Variants in COPG1 observed in about 807,000 individuals in gnomAD.
COPG1 encodes coatomer subunit gamma-1.
A neutral mutation model predicts 102.8 loss-of-function variants in COPG1; 29 were observed. The observed-to-expected ratio is 0.28, with a 90% confidence interval of 0.21 to 0.38. The LOEUF is 0.38. Among genes scored for constraint, COPG1 ranks in the 10% least tolerant of loss-of-function variants. COPG1 has a pLI of 1.00. For synonymous variants in COPG1, 406 were observed against 421.6 expected (o/e 0.96, Z 0.45); for missense variants, 875 against 1,132.7 (o/e 0.77, Z 3.27).
intron 18 of COPG1, among the ~76,000 whole-genome samples, chr3:129,270,985 G>C (rs1940170585): frequency 6.6e-6 from 1 of 152,232 alleles, no homozygotes; most frequent in Non-Finnish European, 1.5e-5. Flanking sequence ...AGCAAGCTCT[G>C]CCGCCAACCC....
rs536210448 is a variant in COPG1, at chr3:129,258,479, A to G, written c.871+619A>G. Among the ~76,000 whole-genome samples, 5 of 152,306 alleles carry G rather than the reference A, an allele frequency of 3.3e-5. No individual in the cohort carries two copies. The South Asian group carries it at 8.3e-4, about 25-fold the overall frequency. ...CTGTTTTTTGTTTTTGCTTTTTGAG[A>G]CGGAGTCTCACTATGTCGCCCAGGC... is the stretch of plus-strand genomic sequence containing the variant. On this transcript the variant is annotated intron_variant, in intron 10 of 23. Transcript: ENST00000314797.
chr3:129,249,833 G>A lies in COPG1; in HGVS notation c.37+87G>A. ...GGTTCTCTGTCCTGACCCGGAGGCT[G>A]AGGCCCAGTGAGGGGCAGGGGCTTG... On this transcript the variant is annotated intron_variant, in intron 1 of 23. Coordinates refer to ENST00000314797, the MANE Select transcript of COPG1 (RefSeq NM_016128.4). The A allele has an allele frequency of 1.3e-5, 18 of 1,376,566 alleles. No homozygotes were observed. In the South Asian group the frequency reaches 2.1e-4, roughly 16 times the overall value. The allele number at this position is 1,376,566 out of a possible 1,614,324, so 85.3% of individuals were successfully genotyped here.
At chr3:129,263,632 C>T (rs933579366) in intron 12 of COPG1, among the ~76,000 whole-genome samples, 1 of 152,106 alleles carries the variant, frequency 6.6e-6, no homozygotes. Flanking sequence ...GGAGGGGACT[C>T]GGAGACTTAA....
chr3:129,262,878 G>C (rs754526313), intron 12 of COPG1, among the ~76,000 whole-genome samples: 4 of 151,568 alleles, frequency 2.6e-5, no homozygotes, highest in Admixed American at 2.6e-4. Flanking sequence ...AAAATTAGCT[G>C]GTGTAGTGGC....
rs1939943708 is a variant in COPG1 at position 129,262,462 on chromosome 3, C to G, written c.1129-1442C>G. On this transcript the variant is annotated intron_variant, in intron 12 of 23. Transcript: ENST00000314797. ...TAGAGACGGTGTTTCACCATGTTAGCCAGGATGGTCTCGATCTCCTGACCT... is the reference window on the plus strand; with the variant it reads ...TAGAGACGGTGTTTCACCATGTTAGGCAGGATGGTCTCGATCTCCTGACCT... Among the ~76,000 whole-genome samples the G allele has an allele frequency of 2.6e-5, 4 of 152,104 alleles. No homozygotes were observed. In the South Asian group the frequency reaches 8.3e-4, roughly 32 times the overall value.
Position 129,271,612 on chromosome 3 carries a change from A to T in COPG1, c.1844-155A>T, listed in dbSNP as rs796571533. 2.6e-5 allele frequency among the ~76,000 whole-genome samples: 4 copies of T among 152,356 alleles called. No individual in the cohort carries two copies. The highest frequency in any genetic ancestry group is 9.6e-5 in the African/African-American group (4 of 41,580). ...GGGAGATGAGAAAATGCATGGATAT[A>T]TTCAGGAAATAATGAGTAGCCAGTT... On this transcript the variant is annotated intron_variant, in intron 18 of 23. Transcript: ENST00000314797. The surrounding 1 kb of genome is among the most constrained non-coding windows in gnomAD (Gnocchi z 4.7).
rs374887499 is a variant in COPG1 at position 129,274,936 on chromosome 3, G to T, written c.2355G>T (p.Lys785Asn). 201 of 1,614,040 alleles carry T rather than the reference G, an allele frequency of 1.2e-4. No individual in the cohort carries two copies. Among genetic ancestry groups the T allele is most frequent in the Non-Finnish European group, 1.7e-4 (195 of 1,180,010 alleles). ...AWDEVGDEFE[K>N]EETFTLSTIK... ...ATGAGGTAGGGGATGAATTTGAGAAGGAGGAAACGTTCACCTTGTCTACCA... is the reference window on the plus strand; with the variant it reads ...ATGAGGTAGGGGATGAATTTGAGAATGAGGAAACGTTCACCTTGTCTACCA... The change falls in exon 22 of 24, where the codon AAG (lysine) becomes AAT (asparagine). Residue 785 changes from lysine to asparagine, a missense_variant. Lys to Asn is a moderately conservative substitution (Grantham distance 94, BLOSUM62 0). Coordinates refer to ENST00000314797, the MANE Select transcript of COPG1 (RefSeq NM_016128.4).
At chr3:129,255,672 G>A (rs1434960326) in intron 7 of COPG1, among the ~76,000 whole-genome samples, 6 of 148,852 alleles carry the variant, frequency 4.0e-5, no homozygotes, top group African/African-American at 1.2e-4. Flanking sequence ...TGGTAGAGAC[G>A]TAGTTTCACC....
chr3:129,268,626 A>G lies in COPG1; in HGVS notation c.1774+6A>G, dbSNP rs779107543. 1 of 1,613,838 alleles carries G rather than the reference A, an allele frequency of 6.2e-7. No homozygotes were observed. The highest frequency in any genetic ancestry group is 1.1e-5 in the South Asian group (1 of 91,060). On this transcript the variant is annotated splice_donor_region_variant and intron_variant, in intron 17 of 23. Transcript: ENST00000314797. ...CATGGCAGAGCAGAGAACAGGTAAC[A>G]CTTATACTCCTCCCAGAGGCCATCA...
At chr3:129,252,073 C>A (rs997999551) in intron 2 of COPG1, among the ~76,000 whole-genome samples, 7 of 152,178 alleles carry the variant, frequency 4.6e-5, no homozygotes, top group African/African-American at 1.4e-4. Context: ...GTTAGCACAT[C>A]CCTAACTAAT....
intron 10 of COPG1, among the ~76,000 whole-genome samples, chr3:129,260,054 G>T (rs1412977893): frequency 1.3e-5 from 2 of 152,200 alleles, no homozygotes; most frequent in Non-Finnish European, 1.5e-5. Context: ...GCAAGCTATA[G>T]AAGTGAGGCA....
intron 2 of COPG1, 180 bp downstream of exon 2, chr3:129,250,914 T>C: frequency 2.8e-5 from 1 of 36,164 alleles, no homozygotes; most frequent in Admixed American, 4.4e-4. Context: ...GCTTACTTCT[T>C]TTTTTTTTTT....
intron 8 of COPG1, among the ~76,000 whole-genome samples, chr3:129,257,134 T>C (rs1390876596): frequency 1.3e-5 from 2 of 152,198 alleles, no homozygotes; most frequent in East Asian, 3.8e-4. Context: ...CTTCTCTCTC[T>C]CATTGTCTGA....
chr3:129,262,581 T>C (rs1012911370), intron 12 of COPG1, among the ~76,000 whole-genome samples: 5 of 151,902 alleles, frequency 3.3e-5, no homozygotes, highest in African/African-American at 9.7e-5. Flanking sequence ...AAATTAGCCA[T>C]GTGTGGTGAT....
intron 8 of COPG1, among the ~76,000 whole-genome samples, chr3:129,256,970 A>G (rs1480964326): frequency 6.6e-6 from 1 of 152,234 alleles, no homozygotes; most frequent in African/African-American, 2.4e-5. Flanking sequence ...CTCCAGGCCT[A>G]GCTTTGTCAG....
Position 129,254,362 on chromosome 3 carries a change from A to T in COPG1, c.324-306A>T, listed in dbSNP as rs1939763306. On this transcript the variant is annotated intron_variant, in intron 5 of 23. Coordinates refer to ENST00000314797, the MANE Select transcript of COPG1 (RefSeq NM_016128.4). ...GAATGCTACAGGCTGAGGAAACAGC[A>T]CATGCAAAGGCTGGAGAGGAGTGAG... The T allele has an allele frequency of 9.9e-6, 3 of 301,820 alleles. No individual in the cohort carries two copies. In the South Asian group the frequency reaches 1.7e-4, roughly 18 times the overall value. The allele number at this position is 301,820 out of a possible 1,614,324, so 18.7% of individuals were successfully genotyped here.
intron 1 of COPG1, 113 bp from the exon 2 acceptor site, chr3:129,250,569 G>A: frequency 1.2e-6 from 1 of 810,054 alleles, no homozygotes; most frequent in Non-Finnish European, 2.1e-6. Flanking sequence ...CATTCCTGAG[G>A]AGTTTGAACT....
chr3:129,255,068 G>A lies in COPG1; in HGVS notation c.483G>A (p.Val161=), dbSNP rs149314956. The change falls in exon 7 of 24, where the codon GTG becomes GTA. Residue 161 remains valine (V), a synonymous_variant. Transcript: ENST00000314797. ...CCAGTGTCTCCAGCTCTGCCCTCGT[G>A]TCTTCCTTGGTGTGTAGTTGCTGCT... The part of the protein sequence containing the change: ...KVPSVSSSAL[V]SSLHLLKCSF... 64 of 1,613,242 alleles carry A rather than the reference G, an allele frequency of 4.0e-5. No homozygotes were observed. The highest frequency in any genetic ancestry group is 6.7e-5 in the African/African-American group (5 of 74,884).
At chr3:129,254,941 A>T (rs528132956) in intron 6 of COPG1, 44 bp from the exon 7 acceptor site, 148 of 1,529,256 alleles carry the variant, frequency 9.7e-5, no homozygotes, top group Non-Finnish European at 1.2e-4. Flanking sequence ...AGAGCTGCCA[A>T]GGACTGACTG....
Sources: gnomAD v4.1 joint callset for allele counts (sites outside exome capture counted in the v4.1 genomes callset) on GRCh38, gnomAD v4.1.1 for gene constraint, Gnocchi (gnomAD v3.1) non-coding constraint, MANE v1.5 for transcripts, NCBI Gene and HGNC (gene_info 2026-07-23, HGNC 2026-07-21) for gene names.